Variants in RBFOX1 observed in about 807,000 individuals in gnomAD.
The protein encoded by RBFOX1 is RNA binding protein fox-1 homolog 1.
Under a neutral mutation model 57.7 loss-of-function variants are expected in RBFOX1, and 8 were observed. That is an observed-to-expected ratio of 0.14 (90% confidence interval 0.08 to 0.25). The LOEUF is 0.25. RBFOX1 is among the 10% of genes least tolerant of loss of function. The pLI, the probability that RBFOX1 is intolerant of heterozygous loss-of-function variation, is 1.00. For synonymous variants in RBFOX1, 326 were observed against 222.4 expected, an observed-to-expected ratio of 1.47 and a Z score of -4.15; for missense variants, 611 against 548.5, an observed-to-expected ratio of 1.11 and a Z score of -1.14.
At chr16:6,119,417 A>C (rs2096531685) in intron 1 of RBFOX1, among the ~76,000 whole-genome samples, 3 of 152,160 alleles carry the variant, frequency 2.0e-5, no homozygotes, top group African/African-American at 7.2e-5. Flanking sequence ...ATTAGCCTTG[A>C]TCACTTAGTT....
intron 12 of RBFOX1, among the ~76,000 whole-genome samples, chr16:7,656,122 C>G (rs1228584793): frequency 2.0e-5 from 3 of 152,110 alleles, no homozygotes; most frequent in Non-Finnish European, 4.4e-5. Flanking sequence ...CATTCTAAAG[C>G]CATACTTGGA....
chr16:6,031,956 T>C (rs2095296957), intron 1 of RBFOX1, among the ~76,000 whole-genome samples: 1 of 152,246 alleles, frequency 6.6e-6, no homozygotes, highest in South Asian at 2.1e-4. Context: ...ATTTGTTCAC[T>C]GTAGTCCACC....
intron 4 of RBFOX1, among the ~76,000 whole-genome samples, chr16:7,466,081 G>A (rs2060467898): frequency 6.6e-6 from 1 of 152,188 alleles, no homozygotes; most frequent in East Asian, 1.9e-4. Flanking sequence ...CTTTCTCCAG[G>A]ATTAGCTAGC....
At chr16:5,846,609 AC>A (rs1197522365) in intron 3 of RBFOX1, among the ~76,000 whole-genome samples, 2 of 152,046 alleles carry the variant, frequency 1.3e-5, no homozygotes. Flanking sequence ...CTGAGACCCA[AC>A]CCTGTCCCAA....
At chr16:6,719,073 C>T (rs570467132) in intron 3 of RBFOX1, among the ~76,000 whole-genome samples, 2 of 152,142 alleles carry the variant, frequency 1.3e-5, no homozygotes, top group East Asian at 3.9e-4. Flanking sequence ...TGCCATGTTG[C>T]CCAGGCTGGT....
At chr16:6,750,992 A>T in intron 3 of RBFOX1, among the ~76,000 whole-genome samples, 1 of 152,102 alleles carries the variant, frequency 6.6e-6, no homozygotes, top group Admixed American at 6.6e-5. Context: ...GGCCAAAAAG[A>T]GGAAGGATCA....
At chr16:7,203,254 C>G (rs948654232) in intron 4 of RBFOX1, among the ~76,000 whole-genome samples, 5 of 152,158 alleles carry the variant, frequency 3.3e-5, no homozygotes, top group African/African-American at 4.8e-5. Flanking sequence ...CAAATGAGCC[C>G]TGAGGACATT....
intron 4 of RBFOX1, among the ~76,000 whole-genome samples, chr16:5,871,021 G>C (rs1337038728): frequency 6.6e-6 from 1 of 152,152 alleles, no homozygotes; most frequent in Non-Finnish European, 1.5e-5. Flanking sequence ...TCTCTCTGCA[G>C]ATTGACAGTG....
At chr16:5,318,820 T>C (rs2064315808) in intron 1 of RBFOX1, among the ~76,000 whole-genome samples, 1 of 152,166 alleles carries the variant, frequency 6.6e-6, no homozygotes, top group Non-Finnish European at 1.5e-5. Flanking sequence ...CCTGACCTAA[T>C]TGCGTGAGCC....
intron 3 of RBFOX1, among the ~76,000 whole-genome samples, chr16:6,891,448 C>G (rs145730405): frequency 0.012 from 1,882 of 152,062 alleles, 24 homozygotes; most frequent in Non-Finnish European, 0.02. Context: ...TTGATGAAGA[C>G]ACATACACAC....
Position 5,543,032 on chromosome 16 carries a change from T to A in RBFOX1, c.259-55870T>A, listed in dbSNP as rs4643321. 3.9e-5 allele frequency among the ~76,000 whole-genome samples: 6 copies of A among 152,100 alleles called. No individual in the cohort carries two copies. The South Asian group carries it at 1.0e-3, about 26-fold the overall frequency. ...GTAGAGTAATCAGAAGGCTCTTGCC[T>A]CAGGAGTGGGGAATAATTAATCATA... is the stretch of plus-strand genomic sequence containing the variant. On this transcript the variant is annotated intron_variant, in intron 2 of 2. Coordinates refer to the RBFOX1 transcript ENST00000585867.
At chr16:5,424,941 CTT>C (rs2067488709) in intron 1 of RBFOX1, among the ~76,000 whole-genome samples, 1 of 44,818 alleles carries the variant, frequency 2.2e-5, no homozygotes. Flanking sequence ...CTTTCTCTCT[CTT>C]CTTTCTTCCT....
chr16:5,466,132 A>G (rs920254975), intron 1 of RBFOX1, among the ~76,000 whole-genome samples: 1 of 152,250 alleles, frequency 6.6e-6, no homozygotes, highest in African/African-American at 2.4e-5. Flanking sequence ...GTCTTGTTCA[A>G]TTCTGGAATA....
chr16:7,145,222 T>A (rs563010622), intron 4 of RBFOX1, among the ~76,000 whole-genome samples: 89 of 152,270 alleles, frequency 5.8e-4, no homozygotes, highest in African/African-American at 2.0e-3. Context: ...TTTTTGTTTT[T>A]GAGATGGAGT....
Position 6,156,730 on chromosome 16 carries a change from G to A in RBFOX1, c.-127+136738G>A, listed in dbSNP as rs971031338. ...TCCTTCCTTGTGTGGTAGCATGGGT[G>A]AAACCAGAGACGTGCTTATTTCAGT... On this transcript the variant is annotated intron_variant, in intron 1 of 15. Transcript: ENST00000550418. Among the ~76,000 whole-genome samples the A allele has an allele frequency of 5.9e-5, 9 of 152,170 alleles. No homozygotes were observed. In the East Asian group the frequency reaches 1.5e-3, roughly 26 times the overall value.
intron 4 of RBFOX1, among the ~76,000 whole-genome samples, chr16:5,885,121 C>T (rs2057866153): frequency 6.6e-6 from 1 of 152,122 alleles, no homozygotes; most frequent in Admixed American, 6.5e-5. Context: ...GACCTCTTAA[C>T]CTTTCCTTTC....
chr16:6,906,239 A>ACC (rs56341827), intron 3 of RBFOX1, among the ~76,000 whole-genome samples: 20,318 of 149,554 alleles, frequency 0.14, 1,650 homozygotes, highest in African/African-American at 0.24. Context: ...GCAATTTATT[A>ACC]CCCCCCCCCA....
At chr16:6,497,561 T>A (rs1175041793) in intron 2 of RBFOX1, among the ~76,000 whole-genome samples, 1 of 149,722 alleles carries the variant, frequency 6.7e-6, no homozygotes, top group African/African-American at 2.5e-5. Flanking sequence ...TTGAAGTTTT[T>A]AAAAAAAAAA....
chr16:5,859,180 G>T (rs2057147699), intron 3 of RBFOX1, among the ~76,000 whole-genome samples: 1 of 152,184 alleles, frequency 6.6e-6, no homozygotes. Flanking sequence ...ACTCCAGCCT[G>T]GGCGACACAG....
Sources: gnomAD v4.1 joint callset for allele counts (sites outside exome capture counted in the v4.1 genomes callset) on GRCh38, gnomAD v4.1.1 for gene constraint, MANE v1.5 for transcripts, NCBI Gene and HGNC (gene_info 2026-07-23, HGNC 2026-07-21) for gene names.